Variants in ANKHD1 observed in about 807,000 individuals in gnomAD.
ANKHD1 encodes the protein ankyrin repeat and KH domain containing 1, also known as ankyrin repeat and KH domain-containing protein 1.
Under a neutral mutation model 230.5 loss-of-function variants are expected in ANKHD1, and 31 were observed. The observed-to-expected ratio is 0.13, with a 90% CI of 0.10 to 0.18. ANKHD1 has a LOEUF of 0.18. Among genes scored for constraint, ANKHD1 ranks in the 10% least tolerant of loss-of-function variants. The pLI is 1.00. For synonymous variants in ANKHD1, 1,074 were observed against 1,117.6 expected (o/e 0.96, Z 0.78); for missense variants, 2,256 against 3,071.3 (o/e 0.73, Z 6.27).
intron 29 of ANKHD1, among the ~76,000 whole-genome samples, chr5:140,532,347 C>CA (rs1337397364): frequency 6.6e-6 from 1 of 152,060 alleles, no homozygotes; most frequent in Non-Finnish European, 1.5e-5. Flanking sequence ...TCCAGATTAG[C>CA]AAATCCATAG....
chr5:140,504,681 A>T, intron 15 of ANKHD1, 140 bp from the exon 16 acceptor site: 3 of 1,101,418 alleles, frequency 2.7e-6, no homozygotes, highest in African/African-American at 1.6e-5. Context: ...ATTTAAATGT[A>T]GGTCTGTCTG....
At chr5:140,427,575 G>C (rs1197782313) in intron 1 of ANKHD1, among the ~76,000 whole-genome samples, 1 of 133,210 alleles carries the variant, frequency 7.5e-6, no homozygotes, top group African/African-American at 2.8e-5. Context: ...CCTTGCGGAC[G>C]GGGCGGCTGG....
chr5:140,458,987 TATATATATGC>T (rs1238792021), intron 8 of ANKHD1, 125 bp downstream of exon 8: 261 of 20,692 alleles, frequency 0.013, 3 homozygotes, highest in African/African-American at 0.024. Context: ...TATGCATATA[TATATATATGC>T]ATATATATAT....
intron 1 of ANKHD1, among the ~76,000 whole-genome samples, chr5:140,424,219 T>TAGAGAG (rs146480393): frequency 1.3e-5 from 2 of 149,550 alleles, no homozygotes; most frequent in African/African-American, 2.5e-5. Context: ...TATATATATA[T>TAGAGAG]AGAGAGAGAG....
intron 1 of ANKHD1, among the ~76,000 whole-genome samples, chr5:140,407,992 C>G (rs1374838911): frequency 6.6e-6 from 1 of 152,088 alleles, no homozygotes; most frequent in Non-Finnish European, 1.5e-5. Flanking sequence ...GCCTGGCCAA[C>G]ATGGTGAAAG....
At chr5:140,428,329 A>G (rs1295339757) in intron 1 of ANKHD1, among the ~76,000 whole-genome samples, 2 of 152,326 alleles carry the variant, frequency 1.3e-5, no homozygotes, top group Non-Finnish European at 2.9e-5. Flanking sequence ...ACGCCACTGC[A>G]CTCCAGCCTG....
intron 10 of ANKHD1, among the ~76,000 whole-genome samples, chr5:140,467,147 A>G (rs1318247179): frequency 1.3e-5 from 2 of 152,028 alleles, no homozygotes; most frequent in Non-Finnish European, 2.9e-5. Flanking sequence ...CCATATTACT[A>G]TATAGTCTCT....
At chr5:140,469,758 G>A (rs1483582345) in intron 10 of ANKHD1, among the ~76,000 whole-genome samples, 1 of 151,384 alleles carries the variant, frequency 6.6e-6, no homozygotes, top group African/African-American at 2.4e-5. Flanking sequence ...TATTCTCCTG[G>A]TTATACATTT....
intron 1 of ANKHD1, among the ~76,000 whole-genome samples, chr5:140,426,973 C>A (rs540558111): frequency 8.5e-4 from 130 of 152,348 alleles, no homozygotes; most frequent in African/African-American, 3.0e-3. Context: ...ACCTTTCCCC[C>A]CTTTCTATTC....
At chr5:140,517,730 C>T (rs1424288076) in intron 24 of ANKHD1, among the ~76,000 whole-genome samples, 2 of 147,650 alleles carry the variant, frequency 1.4e-5, no homozygotes, top group Non-Finnish European at 3.0e-5. Context: ...TAAAGATGTT[C>T]TTTGAAACCA....
chr5:140,519,929 G>A (rs1753240132), intron 24 of ANKHD1, among the ~76,000 whole-genome samples: 1 of 151,924 alleles, frequency 6.6e-6, no homozygotes, highest in South Asian at 2.1e-4. Flanking sequence ...TTGACAAATG[G>A]GATCTAATTA....
In ANKHD1 at chr5:140,449,322, C is replaced by T. The variant is rs765527106; in HGVS notation, c.1242+17C>T. 4 of 1,608,810 alleles carry T rather than the reference C, an allele frequency of 2.5e-6. No homozygotes were observed. The highest frequency in any genetic ancestry group is 3.4e-6 in the Non-Finnish European group (4 of 1,176,954). Reference sequence around the variant, plus strand: ...GCCTGCATGGTAATTTTAAATTACACTCACTTGAGATTTTATGGGAAGAAA... The same window carrying T: ...GCCTGCATGGTAATTTTAAATTACATTCACTTGAGATTTTATGGGAAGAAA... On this transcript the variant is annotated intron_variant, in intron 7 of 33. Transcript: ENST00000360839.
chr5:140,520,527 C>A (rs1417719993), intron 24 of ANKHD1, among the ~76,000 whole-genome samples: 1 of 151,812 alleles, frequency 6.6e-6, no homozygotes, highest in Non-Finnish European at 1.5e-5. Flanking sequence ...TTGGAACCAA[C>A]CCAAATGTCC....
intron 5 of ANKHD1, among the ~76,000 whole-genome samples, chr5:140,445,220 T>A (rs1226777495): frequency 3.9e-5 from 6 of 151,984 alleles, no homozygotes; most frequent in Non-Finnish European, 5.9e-5. Context: ...ATAATTGGTA[T>A]AATTGGCATA....
At chr5:140,488,296 A>C (rs1751597116) in intron 14 of ANKHD1, among the ~76,000 whole-genome samples, 1 of 152,092 alleles carries the variant, frequency 6.6e-6, no homozygotes, top group Non-Finnish European at 1.5e-5. Context: ...ACTAAATAAG[A>C]ATCATTGGCC....
chr5:140,403,610 C>A (rs1177067646), intron 1 of ANKHD1, among the ~76,000 whole-genome samples: 1 of 152,134 alleles, frequency 6.6e-6, no homozygotes, highest in African/African-American at 2.4e-5. Flanking sequence ...GACAGGGTTT[C>A]ACCATGTCCA....
chr5:140,422,986 C>T (rs1772119127), intron 1 of ANKHD1, among the ~76,000 whole-genome samples: 1 of 151,664 alleles, frequency 6.6e-6, no homozygotes, highest in Non-Finnish European at 1.5e-5. Flanking sequence ...AGCAATCCTC[C>T]CACCTCAAAC....
At chr5:140,504,729 C>T in intron 15 of ANKHD1, 92 bp from the exon 16 acceptor site, 4 of 1,496,420 alleles carry the variant, frequency 2.7e-6, no homozygotes, top group Non-Finnish European at 3.6e-6. Context: ...CTACATATTA[C>T]TGCTATGGAA....
chr5:140,445,916 G>C lies in ANKHD1; in HGVS notation c.1088G>C (p.Gly363Ala). The C allele has an allele frequency of 6.2e-7, 1 of 1,611,714 alleles. No individual in the cohort carries two copies. The highest frequency in any genetic ancestry group is 8.5e-7 in the Non-Finnish European group (1 of 1,178,520). Residue 363 changes from glycine to alanine, a missense_variant, in exon 6 of 34, where the codon GGC becomes GCC. Transcript: ENST00000360839. ...AGAGTTCTTTTAGATCATGGTGCAG[G>C]CATCAACACTCATTCTAATGAATTC... ...VARVLLDHGAGINTHSNEFKE... is the reference protein window; with the variant it reads ...VARVLLDHGAAINTHSNEFKE...
Sources: allele counts gnomAD v4.1 joint callset (sites outside exome capture counted in the v4.1 genomes callset), GRCh38; gene constraint gnomAD v4.1.1; transcripts MANE v1.5; gene names NCBI Gene and HGNC (gene_info 2026-07-23, HGNC 2026-07-21).